The following HTR4 variants were observed in gnomAD, a reference collection of about 807,000 sequenced individuals.
The protein encoded by HTR4 is 5-hydroxytryptamine receptor 4.
HTR4 carries 16 observed loss-of-function variants against 36.8 expected under a neutral mutation model. That is an observed-to-expected ratio of 0.43 (90% CI 0.29 to 0.66). The LOEUF (loss-of-function observed/expected upper bound fraction) is 0.66. HTR4 is among the 30% of genes least tolerant of loss of function. The pLI is 0.13. For missense variants in HTR4, 438 were observed against 490.9 expected, an observed-to-expected ratio of 0.89 and a Z score of 1.02; for synonymous variants, 189 against 185.1, an observed-to-expected ratio of 1.02 and a Z score of -0.17.
chr5:148,588,581 C>G (rs1761438477), intron 2 of HTR4, among the ~76,000 whole-genome samples: 1 of 144,572 alleles, frequency 6.9e-6, no homozygotes. Flanking sequence ...TCGCCCAGGC[C>G]GGACTGCGGA....
At chr5:148,635,061 T>A (rs1044344552) in intron 2 of HTR4, among the ~76,000 whole-genome samples, 5 of 152,168 alleles carry the variant, frequency 3.3e-5, no homozygotes, top group South Asian at 2.1e-4. Context: ...ATAATATTTT[T>A]AAAAATAAAC....
chr5:148,551,505 T>C (rs1759687013), intron 2 of HTR4, among the ~76,000 whole-genome samples: 1 of 152,234 alleles, frequency 6.6e-6, no homozygotes, highest in African/African-American at 2.4e-5. Flanking sequence ...TTTGTTTTAT[T>C]AACTTGAAAA....
chr5:148,591,492 T>C (rs940047638), intron 2 of HTR4, among the ~76,000 whole-genome samples: 3 of 152,208 alleles, frequency 2.0e-5, no homozygotes, highest in Non-Finnish European at 4.4e-5. Context: ...TTTGTTTGTG[T>C]CATCTCTGAT....
At chr5:148,647,318 T>C (rs902003772) in intron 1 of HTR4, among the ~76,000 whole-genome samples, 49 of 152,236 alleles carry the variant, frequency 3.2e-4, no homozygotes, top group African/African-American at 1.0e-3. Flanking sequence ...GTGTCAAAAA[T>C]CAGATTTTCC....
At chr5:148,640,411 A>T (rs547755383) in intron 1 of HTR4, among the ~76,000 whole-genome samples, 37 of 152,290 alleles carry the variant, frequency 2.4e-4, no homozygotes, top group African/African-American at 8.4e-4. Context: ...TGGACCAGGG[A>T]AAGCCAGTCC....
At chr5:148,597,018 G>A (rs1295824314) in intron 2 of HTR4, among the ~76,000 whole-genome samples, 7 of 152,120 alleles carry the variant, frequency 4.6e-5, no homozygotes, top group African/African-American at 7.2e-5. Context: ...CCACTCACCT[G>A]AGTAGGACAT....
At chr5:148,652,985 C>G (rs374111584) in intron 1 of HTR4, among the ~76,000 whole-genome samples, 5 of 152,208 alleles carry the variant, frequency 3.3e-5, no homozygotes, top group East Asian at 3.9e-4. Flanking sequence ...TTCAGGGCAC[C>G]GCATCCACCA....
In HTR4 at chr5:148,509,312, T is replaced by C. The variant is rs1233974479; in HGVS notation, c.1076+144A>G. ...AGTTCTTAACCATTGCTGTATTCCA[T>C]GACCAGATAGTAGAATCTTTTATAA... On this transcript the variant is annotated intron_variant, in intron 6 of 6. Coordinates refer to ENST00000377888, the MANE Select transcript of HTR4 (RefSeq NM_000870.7). 6.3e-6 allele frequency: 4 copies of C among 630,238 alleles called. No individual in the cohort carries two copies. In the East Asian group the frequency reaches 1.1e-4, roughly 17 times the overall value. The allele number at this position is 630,238 out of a possible 1,614,324, so 39.0% of individuals were successfully genotyped here. A position where few individuals can be genotyped will look rare whatever the true frequency, so the allele number is the denominator to read the frequency against.
chr5:148,632,665 T>G (rs928875908), intron 2 of HTR4, among the ~76,000 whole-genome samples: 5 of 152,194 alleles, frequency 3.3e-5, no homozygotes, highest in Non-Finnish European at 5.9e-5. Flanking sequence ...GTCTGAACAT[T>G]GTACTCTCTG....
At chr5:148,533,708 C>T (rs1473377820) in intron 4 of HTR4, among the ~76,000 whole-genome samples, 1 of 152,192 alleles carries the variant, frequency 6.6e-6, no homozygotes, top group Non-Finnish European at 1.5e-5. Context: ...CTTAGTAGCT[C>T]TGTGGTCTTA....
chr5:148,563,442 C>T (rs1833708), intron 2 of HTR4, among the ~76,000 whole-genome samples: 78,419 of 152,060 alleles, frequency 0.52, 20,973 homozygotes, highest in African/African-American at 0.66. Context: ...TTACCTTTTA[C>T]GCTCCCACAC....
chr5:148,610,757 G>T (rs1752391604), intron 2 of HTR4, among the ~76,000 whole-genome samples: 1 of 147,082 alleles, frequency 6.8e-6, no homozygotes, highest in African/African-American at 2.6e-5. Context: ...CAAACCAAAG[G>T]CAAAGAAGTT....
chr5:148,470,625 C>A (rs1163187374), intron 5 of HTR4, among the ~76,000 whole-genome samples: 5 of 152,112 alleles, frequency 3.3e-5, no homozygotes, highest in African/African-American at 4.8e-5. Flanking sequence ...AAGGATCACA[C>A]AAAAAAACAC....
intron 4 of HTR4, among the ~76,000 whole-genome samples, chr5:148,542,611 A>G (rs967088114): frequency 6.6e-6 from 1 of 152,240 alleles, no homozygotes; most frequent in Non-Finnish European, 1.5e-5. Flanking sequence ...ACTATAGAGA[A>G]TACTATCTTC....
intron 2 of HTR4, among the ~76,000 whole-genome samples, chr5:148,561,073 C>T (rs1465142260): frequency 2.0e-5 from 3 of 151,264 alleles, no homozygotes; most frequent in Non-Finnish European, 4.4e-5. Context: ...TTTTGAAAAC[C>T]CTATAGACAA....
At chr5:148,486,354 T>A (rs767846215) in intron 6 of HTR4, among the ~76,000 whole-genome samples, 1 of 152,126 alleles carries the variant, frequency 6.6e-6, no homozygotes, top group African/African-American at 2.4e-5. Context: ...TCAGTGCACA[T>A]GGCTTTAACA....
chr5:148,490,604 TC>T, intron 6 of HTR4: 1 of 1,166,582 alleles, frequency 8.6e-7, no homozygotes, highest in Non-Finnish European at 1.1e-6. Context: ...ACTCACCTCT[TC>T]CCCAGAAATG....
chr5:148,504,871 C>T (rs1037171827), intron 6 of HTR4, among the ~76,000 whole-genome samples: 36 of 152,248 alleles, frequency 2.4e-4, no homozygotes, highest in African/African-American at 7.0e-4. Flanking sequence ...AACACCTCTA[C>T]GCAAATAAAC....
At chr5:148,509,282 G>A (rs1025026574) in intron 6 of HTR4, 174 bp downstream of exon 6, 1 of 546,970 alleles carries the variant, frequency 1.8e-6, no homozygotes, top group Admixed American at 3.5e-5. Context: ...TCCCTCCAGA[G>A]CCTGAGTTCT....
Sources: gnomAD v4.1 joint callset for allele counts (sites outside exome capture counted in the v4.1 genomes callset) on GRCh38, gnomAD v4.1.1 for gene constraint, MANE v1.5 for transcripts, NCBI Gene and HGNC (gene_info 2026-07-23, HGNC 2026-07-21) for gene names.